MON1A: variants seen among roughly 807,000 people sequenced by gnomAD.
MON1A encodes vacuolar fusion protein MON1 homolog A.
Under a neutral mutation model 44.6 loss-of-function variants are expected in MON1A, and 29 were observed. The ratio of observed to expected loss-of-function variants is 0.65; its 90% CI spans 0.48 to 0.89. The LOEUF (loss-of-function observed/expected upper bound fraction) is 0.89. Among genes scored for constraint, MON1A ranks in the 40% least tolerant of loss-of-function variants. The probability of loss-of-function intolerance (pLI) is 0.00; values close to 1 mark genes in which losing one functional copy is unlikely to be tolerated. For missense variants in MON1A, 615 were observed against 759.6 expected (o/e 0.81, Z 2.24); for synonymous variants, 275 against 316.4 (o/e 0.87, Z 1.39).
rs1225686443 is a variant in MON1A, at chr3:49,922,063, T to G, written c.-14+7546A>C. Among the ~76,000 whole-genome samples, 8 of 145,854 alleles carry G rather than the reference T, an allele frequency of 5.5e-5. No individual in the cohort carries two copies. In the Admixed American group the frequency reaches 5.5e-4, roughly 10 times the overall value. On this transcript the variant is annotated intron_variant, in intron 1 of 5. Transcript: ENST00000296473. The stretch of plus-strand genomic sequence containing the variant: ...GAGGCAGGAGAATCACTTGAACCCA[T>G]GAGGCAGAGGTTGCAGTGAGCCACG...
At position 49,911,628 on chromosome 3, in the gene MON1A, G is replaced by C. The variant is rs1330882267; in HGVS notation, c.511C>G (p.Arg171Gly). The C allele has an allele frequency of 1.2e-6, 2 of 1,614,160 alleles. No homozygotes were observed. The highest frequency in any genetic ancestry group is 2.7e-5 in the African/African-American group (2 of 75,044). The change falls in exon 3 of 6, where the codon CGC becomes GGC. Residue 171 changes from arginine (R) to glycine (G), a missense_variant. By Grantham distance (125) the Arg-to-Gly change is moderately radical (BLOSUM62 -2). Coordinates refer to ENST00000296473, the MANE Select transcript of MON1A (RefSeq NM_032355.4). The surrounding 1 kb of genome is among the most constrained non-coding windows in gnomAD (Gnocchi z 5.7). ...GAAAGTGCCTCCTCAGACCCATAGCGGGAGTACACAGGCTTCCCTGCCTCA... is the reference window on the plus strand; with the variant it reads ...GAAAGTGCCTCCTCAGACCCATAGCCGGAGTACACAGGCTTCCCTGCCTCA... The part of the protein sequence containing the change: ...LSEAGKPVYS[R>G]YGSEEALSST...
At chr3:49,914,788 C>T (rs1237907071) in intron 1 of MON1A, among the ~76,000 whole-genome samples, 7 of 152,018 alleles carry the variant, frequency 4.6e-5, no homozygotes, top group South Asian at 4.2e-4. Flanking sequence ...CCTTGTGATC[C>T]GCCTGCCTTG....
intron 1 of MON1A, among the ~76,000 whole-genome samples, chr3:49,922,165 C>T (rs965330421): frequency 6.4e-5 from 9 of 141,674 alleles, no homozygotes; most frequent in African/African-American, 2.4e-4. Flanking sequence ...GAAAGAAAGA[C>T]GGCCGGGAGC....
chr3:49,921,548 A>G (rs1023641270), intron 1 of MON1A, among the ~76,000 whole-genome samples: 11 of 150,138 alleles, frequency 7.3e-5, no homozygotes, highest in African/African-American at 2.2e-4. Flanking sequence ...AGGTGGGCGG[A>G]TCACCAGGTC....
Position 49,909,422 on chromosome 3 carries a change from T to A in MON1A, c.1380-22A>T. ...AGGGCTGCAGACAGGGTGGAGGGAGTGGGTTTGCAAAGGAATGACTTCCAC... is the reference window on the plus strand; with the variant it reads ...AGGGCTGCAGACAGGGTGGAGGGAGAGGGTTTGCAAAGGAATGACTTCCAC... On this transcript the variant is annotated intron_variant, in intron 4 of 5. Transcript: ENST00000296473. The surrounding 1 kb of genome is among the most constrained non-coding windows in gnomAD (Gnocchi z 4.0). The A allele has an allele frequency of 6.2e-7, 1 of 1,612,696 alleles. No individual in the cohort carries two copies. The highest frequency in any genetic ancestry group is 8.5e-7 in the Non-Finnish European group (1 of 1,179,568).
At position 49,911,182 on chromosome 3, in the gene MON1A, T is replaced by G. The variant is rs2082873602; in HGVS notation, c.614-298A>C. Among the ~76,000 whole-genome samples, 1 of 141,942 alleles carries G rather than the reference T, an allele frequency of 7.0e-6. No homozygotes were observed. Among genetic ancestry groups the G allele is most frequent in the Non-Finnish European group, 1.5e-5 (1 of 66,730 alleles). The allele number at this position is 141,942 out of a possible 152,430, so 93.1% of individuals were successfully genotyped here. A position where few individuals can be genotyped will look rare whatever the true frequency, so the allele number is the denominator to read the frequency against. On this transcript the variant is annotated intron_variant, in intron 3 of 5. Coordinates refer to ENST00000296473, the MANE Select transcript of MON1A (RefSeq NM_032355.4). This position sits in a 1 kb window ranked among gnomAD's most constrained non-coding sequence, Gnocchi z 5.7. The stretch of plus-strand genomic sequence containing the variant: ...TGGGTGGAGCTCAGGACCTGGGAGA[T>G]AGATAGATTAGATAGATAGATAGAT...
chr3:49,925,213 C>T lies in MON1A; in HGVS notation c.-14+4396G>A, dbSNP rs529918508. Among the ~76,000 whole-genome samples, 6 of 152,178 alleles carry T rather than the reference C, an allele frequency of 3.9e-5. No individual in the cohort carries two copies. The East Asian group carries it at 1.2e-3, about 29-fold the overall frequency. On this transcript the variant is annotated intron_variant, in intron 1 of 5. Coordinates refer to ENST00000296473, the MANE Select transcript of MON1A (RefSeq NM_032355.4). The stretch of plus-strand genomic sequence containing the variant: ...CACTGTAGCCTCAACCTCCCAGGCC[C>T]AAGTGATCCTCCCACCTCAGCCTCC...
At chr3:49,914,942 A>G (rs1345428790) in intron 1 of MON1A, among the ~76,000 whole-genome samples, 4 of 152,146 alleles carry the variant, frequency 2.6e-5, no homozygotes, top group Non-Finnish European at 5.9e-5. Flanking sequence ...CAGCCTCCCA[A>G]AATGTTGGAA....
intron 1 of MON1A, among the ~76,000 whole-genome samples, chr3:49,926,318 C>A (rs1215602311): frequency 6.6e-6 from 1 of 152,232 alleles, no homozygotes; most frequent in Admixed American, 6.5e-5. Flanking sequence ...CAGTCCCTCA[C>A]TCCCTTCAGG....
At position 49,913,232 on chromosome 3, in the gene MON1A, C is replaced by T. The variant is rs2082907115; in HGVS notation, c.115G>A (p.Gly39Arg). ...CACTTGCCCATACCTGGCTCCATTC[C>T]CTGGGCCATTCCTGGTGTGGGGCTC... ...AESPTPGMAQ[G>R]MEPGAGQEGA... The change falls in exon 2 of 6, where the codon GGA (glycine) becomes AGA (arginine). Residue 39 changes from glycine (G) to arginine (R), a missense_variant. Coordinates refer to ENST00000296473, the MANE Select transcript of MON1A (RefSeq NM_032355.4). 3 of 1,614,226 alleles carry T rather than the reference C, an allele frequency of 1.9e-6. No individual in the cohort carries two copies. Among genetic ancestry groups the T allele is most frequent in the Non-Finnish European group, 2.5e-6 (3 of 1,180,042 alleles).
At position 49,911,209 on chromosome 3, in the gene MON1A, G is replaced by GATAGATAGATAGATAGATAGATAGATAC. The variant is rs2082876739; in HGVS notation, c.613+316_613+317insGTATCTATCTATCTATCTATCTATCTAT. ...GATAGATTAGATAGATAGATAGATAGATAGATAGATAGATAGATAGATAGA... is the reference window on the plus strand; with the variant it reads ...GATAGATTAGATAGATAGATAGATAGATAGATAGATAGATAGATAGATAGATACATAGATAGATAGATAGATAGATAGA... On this transcript the variant is annotated intron_variant, in intron 3 of 5. Coordinates refer to ENST00000296473, the MANE Select transcript of MON1A (RefSeq NM_032355.4). This position sits in a 1 kb window ranked among gnomAD's most constrained non-coding sequence, Gnocchi z 5.7. Among the ~76,000 whole-genome samples the GATAGATAGATAGATAGATAGATAGATAC allele has an allele frequency of 2.3e-5, 2 of 87,306 alleles. No homozygotes were observed. The highest frequency in any genetic ancestry group is 5.3e-4 in the South Asian group (2 of 3,766). The allele number at this position is 87,306 out of a possible 152,430, so 57.3% of individuals were successfully genotyped here. A position where few individuals can be genotyped will look rare whatever the true frequency, so the allele number is the denominator to read the frequency against.
At chr3:49,919,554 A>C (rs1421517405) in intron 1 of MON1A, among the ~76,000 whole-genome samples, 1 of 152,172 alleles carries the variant, frequency 6.6e-6, no homozygotes, top group Non-Finnish European at 1.5e-5. Flanking sequence ...ATCTCCGCTC[A>C]CTGCAACCTC....
At chr3:49,923,466 CTCT>C (rs1471457348) in intron 1 of MON1A, among the ~76,000 whole-genome samples, 1 of 143,884 alleles carries the variant, frequency 7.0e-6, no homozygotes, top group Non-Finnish European at 1.5e-5. Context: ...GAAAGACAAG[CTCT>C]TTTTTTTTTT....
At chr3:49,928,234 C>T (rs1366184412) in intron 1 of MON1A, among the ~76,000 whole-genome samples, 1 of 152,144 alleles carries the variant, frequency 6.6e-6, no homozygotes, top group African/African-American at 2.4e-5. Flanking sequence ...TGGGGTCCAG[C>T]CAGAGGCCTG....
At chr3:49,923,265 C>T (rs1369803133) in intron 1 of MON1A, among the ~76,000 whole-genome samples, 2 of 140,426 alleles carry the variant, frequency 1.4e-5, no homozygotes, top group African/African-American at 5.1e-5. Context: ...TCCCTTGAAC[C>T]CGGGAGGTGG....
rs116847003 is a variant in MON1A at position 49,911,896 on chromosome 3, C to T, written c.243G>A (p.Pro81=). The T allele has an allele frequency of 1.0e-4, 169 of 1,613,936 alleles. 1 individual carries two copies. In the East Asian group the frequency reaches 1.1e-3, roughly 11 times the overall value. Residue 81 remains proline, a synonymous_variant, in exon 3 of 6, where the codon CCG becomes CCA. Transcript: ENST00000296473. The surrounding 1 kb of genome is among the most constrained non-coding windows in gnomAD (Gnocchi z 5.7). ...TCTGGCGCATGTCTGTAGGCAGCGGCGGGGGACCCCTGGTACCCTCCTTGT... is the reference window on the plus strand; with the variant it reads ...TCTGGCGCATGTCTGTAGGCAGCGGTGGGGGACCCCTGGTACCCTCCTTGT... ...DSHKEGTRGP[P]PLPTDMRQIS... is the part of the protein sequence containing the mutation.
chr3:49,929,425 C>A, intron 1 of MON1A, 184 bp downstream of exon 1: 1 of 722,852 alleles, frequency 1.4e-6, no homozygotes. Flanking sequence ...GGTTCCAGAT[C>A]TCGCCTTTTG....
At position 49,910,405 on chromosome 3, in the gene MON1A, T is replaced by C. The variant is rs763422193; in HGVS notation, c.1093A>G (p.Thr365Ala). The C allele has an allele frequency of 1.2e-6, 2 of 1,614,108 alleles. No homozygotes were observed. The highest frequency in any genetic ancestry group is 4.5e-5 in the East Asian group (2 of 44,858). ...SSSFREGEAW[T>A]PVCLPKFNAA... ...TTGAATTTGGGCAGGCACACGGGCGTCCAGGCCTCGCCCTCGCGAAAGGAC... is the reference window on the plus strand; with the variant it reads ...TTGAATTTGGGCAGGCACACGGGCGCCCAGGCCTCGCCCTCGCGAAAGGAC... Residue 365 changes from threonine (T) to alanine (A), a missense_variant, in exon 4 of 6, where the codon ACG becomes GCG. Physicochemically the swap from Thr to Ala is moderately conservative, Grantham distance 58 (BLOSUM62 0). Coordinates refer to ENST00000296473, the MANE Select transcript of MON1A (RefSeq NM_032355.4). This position sits in a 1 kb window ranked among gnomAD's most constrained non-coding sequence, Gnocchi z 8.0.
chr3:49,924,606 G>C (rs1434410423), intron 1 of MON1A: 3 of 207,202 alleles, frequency 1.4e-5, no homozygotes, highest in Non-Finnish European at 2.1e-5. Context: ...TTGAACCCGG[G>C]GGGAGGCAGA....
Sources: allele counts gnomAD v4.1 joint callset (sites outside exome capture counted in the v4.1 genomes callset), GRCh38; gene constraint gnomAD v4.1.1; non-coding constraint Gnocchi (gnomAD v3.1); transcripts MANE v1.5; gene names NCBI Gene and HGNC (gene_info 2026-07-23, HGNC 2026-07-21).